CTSW: variants seen among roughly 807,000 people sequenced by gnomAD.
CTSW encodes lymphopain.
CTSW carries 42 observed loss-of-function variants against 43.8 expected under a neutral mutation model. The observed-to-expected ratio is 0.96, with a 90% CI of 0.75 to 1.24. The LOEUF is 1.24. Among genes scored for constraint, CTSW ranks in the 50% most tolerant of loss-of-function variants. The pLI, the probability that CTSW is intolerant of heterozygous loss-of-function variation, is 0.00. For synonymous variants in CTSW, 191 were observed against 184.8 expected (o/e 1.03, Z -0.27); for missense variants, 475 against 479.9 (o/e 0.99, Z 0.09).
intron 9 of CTSW, 27 bp downstream of exon 9, chr11:65,883,451 G>A (rs1565279211): frequency 6.2e-7 from 1 of 1,613,624 alleles, no homozygotes; most frequent in Non-Finnish European, 8.5e-7. Flanking sequence ...GGGGGAGGGG[G>A]CAAGGCAGAA....
rs142888395 is a variant in CTSW at position 65,883,585 on chromosome 11, G to A, written c.1098G>A (p.Pro366=). 279 of 1,613,990 alleles carry A rather than the reference G, an allele frequency of 1.7e-4. 2 individuals carry two copies. The South Asian group carries it at 2.1e-3, about 12-fold the overall frequency. ...KFPLTARVQK[P]DMKPRVSCPP is the part of the protein sequence containing the mutation. ...CGCTCACTGCCCGTGTGCAGAAACC[G>A]GATATGAAGCCCCGAGTCTCCTGCC... The change falls in exon 10 of 10, where the codon CCG becomes CCA. Residue 366 remains proline, a synonymous_variant. Coordinates refer to ENST00000307886, the MANE Select transcript of CTSW (RefSeq NM_001335.4).
intron 3 of CTSW, 137 bp from the exon 4 acceptor site, chr11:65,882,038 G>C: frequency 1.0e-6 from 1 of 999,692 alleles, no homozygotes; most frequent in Non-Finnish European, 1.5e-6. Context: ...TGGGATTATA[G>C]GTGTGAGCCA....
rs1175779883 is a variant in CTSW at position 65,883,419 on chromosome 11, GAGA to G, written c.1018_1020del (p.Lys340del). ...GAACTCCTGGGGGGCCCAATGGGGA[GAGA>G]AGGTGAGTGTGATCTATTGGGGGAG... is the stretch of plus-strand genomic sequence containing the variant. On this transcript the variant is annotated inframe_deletion and splice_region_variant, in exon 9 of 10. Coordinates refer to ENST00000307886, the MANE Select transcript of CTSW (RefSeq NM_001335.4). 5.0e-6 allele frequency: 8 copies of G among 1,614,102 alleles called. No homozygotes were observed. Among genetic ancestry groups the G allele is most frequent in the East Asian group, 4.5e-5 (2 of 44,884 alleles).
intron 7 of CTSW, 45 bp downstream of exon 7, chr11:65,882,949 C>T (rs755077391): frequency 2.6e-5 from 42 of 1,611,892 alleles, no homozygotes; most frequent in Middle Eastern, 1.7e-4. Flanking sequence ...GGACAGACAC[C>T]GGGGCAGAGG....
chr11:65,879,981 C>A, intron 1 of CTSW, 40 bp downstream of exon 1: 1 of 1,535,018 alleles, frequency 6.5e-7, no homozygotes, highest in Non-Finnish European at 8.9e-7. Flanking sequence ...AGTCCCACGC[C>A]TGGGGTCACC....
intron 2 of CTSW, among the ~76,000 whole-genome samples, chr11:65,880,775 G>A (rs1168935820): frequency 1.3e-5 from 2 of 152,186 alleles, no homozygotes; most frequent in Non-Finnish European, 2.9e-5. Flanking sequence ...TGGATCTGGA[G>A]GGCAGTGGCA....
Position 65,883,704 on chromosome 11 carries a change from T to C in CTSW, c.*86T>C. The C allele has an allele frequency of 8.2e-6, 10 of 1,218,080 alleles. No individual in the cohort carries two copies. The highest frequency in any genetic ancestry group is 1.2e-5 in the Non-Finnish European group (10 of 838,430). The allele number at this position is 1,218,080 out of a possible 1,614,324, so 75.5% of individuals were successfully genotyped here. ...CCCAGGTTTTTGCCCATCCTCCCAA[T>C]CTCAATACAGCCTGAATAAACCAAG... On this transcript the variant is annotated 3_prime_UTR_variant, in exon 10 of 10. Coordinates refer to ENST00000307886, the MANE Select transcript of CTSW (RefSeq NM_001335.4).
In CTSW at chr11:65,881,463, CAGG is replaced by C. The variant is rs763974974; in HGVS notation, c.237_239del (p.Glu79del). The C allele has an allele frequency of 8.6e-5, 139 of 1,611,680 alleles. No individual in the cohort carries two copies. Among genetic ancestry groups the C allele is most frequent in the Middle Eastern group, 1.7e-4 (1 of 6,058 alleles). On this transcript the variant is annotated inframe_deletion, in exon 3 of 10. Transcript: ENST00000307886. ...CAACCTGGCCCAGGCTCAGAGGCTG[CAGG>C]AGGAGGACTTGGGCACAGCTGAGTT...
rs759222279 is a variant in CTSW, at chr11:65,882,493, A to G, written c.505A>G (p.Ser169Gly). ...AGNIETLWRI[S>G]FWDFVDVSVQ... ...CAACATAGAGACCCTGTGGCGCATC[A>G]GTTTCTGGGATTTTGTGGATGTCTC... Residue 169 changes from serine (S) to glycine (G), a missense_variant, in exon 5 of 10, where the codon AGT becomes GGT. By Grantham distance (56) the Ser-to-Gly change is moderately conservative. Coordinates refer to ENST00000307886, the MANE Select transcript of CTSW (RefSeq NM_001335.4). 6.2e-7 allele frequency: 1 copy of G among 1,614,138 alleles called. No homozygotes were observed. Among genetic ancestry groups the G allele is most frequent in the Admixed American group, 1.7e-5 (1 of 60,030 alleles).
intron 3 of CTSW, among the ~76,000 whole-genome samples, 155 bp from the exon 4 acceptor site, chr11:65,882,020 C>G (rs1860112643): frequency 6.6e-6 from 1 of 152,214 alleles, no homozygotes; most frequent in South Asian, 2.1e-4. Flanking sequence ...CTTGGCCTCC[C>G]AAAGTGCTGG....
rs931847383 is a variant in CTSW, at chr11:65,881,325, G to A, written c.173-82G>A. 9 of 886,974 alleles carry A rather than the reference G, an allele frequency of 1.0e-5. No individual in the cohort carries two copies. In the African/African-American group the frequency reaches 1.5e-4, roughly 15 times the overall value. 54.9% of individuals were successfully genotyped at this position (886,974 alleles called of 1,614,324 possible). A position where few individuals can be genotyped will look rare whatever the true frequency, so the allele number is the denominator to read the frequency against. On this transcript the variant is annotated intron_variant, in intron 2 of 9. Coordinates refer to ENST00000307886, the MANE Select transcript of CTSW (RefSeq NM_001335.4). ...GCCAGTGCTCAACTGGGTGGGTGTG[G>A]GTGGAAGGGTGCCCAGCCAGCGGCT...
At chr11:65,880,007 G>A in intron 1 of CTSW, 66 bp downstream of exon 1, 1 of 1,419,164 alleles carries the variant, frequency 7.0e-7, no homozygotes, top group Non-Finnish European at 9.8e-7. Flanking sequence ...AGAAACAGCT[G>A]GCCTGTCATT....
At chr11:65,880,171 C>A (rs758930553) in intron 1 of CTSW, 31 bp from the exon 2 acceptor site, 10 of 1,589,144 alleles carry the variant, frequency 6.3e-6, no homozygotes, top group Non-Finnish European at 8.6e-6. Context: ...CCTCTGCCCA[C>A]TGCCCCTCTC....
At position 65,881,408 on chromosome 11, in the gene CTSW, G is replaced by A. The variant is rs1266165315; in HGVS notation, c.174G>A (p.Glu58=). 2.5e-6 allele frequency: 4 copies of A among 1,592,762 alleles called. No homozygotes were observed. In the African/African-American group the frequency reaches 4.0e-5, roughly 16 times the overall value. ...TAGGACAACTCCCTTTTGGTCCAGA[G>A]CATGCTCACCGCCTGGACATCTTTG... ...QFNRSYLSPE[E]HAHRLDIFAH... Residue 58 remains glutamate, a splice_region_variant and synonymous_variant, in exon 3 of 10, where the codon GAG becomes GAA. Coordinates refer to ENST00000307886, the MANE Select transcript of CTSW (RefSeq NM_001335.4).
chr11:65,882,228 A>G lies in CTSW; in HGVS notation c.340A>G (p.Ser114Gly), dbSNP rs150579466. ...GYRRAAGGVP[S>G]MGREIRSEEP... is the part of the protein sequence containing the mutation. The stretch of plus-strand genomic sequence containing the variant: ...TCGGAGGGCAGCTGGAGGGGTCCCC[A>G]GCATGGGCAGAGAAATAAGGTCTGA... The change falls in exon 4 of 10, where the codon AGC becomes GGC. Residue 114 changes from serine (S) to glycine (G), a missense_variant. Transcript: ENST00000307886. 198 of 1,614,186 alleles carry G rather than the reference A, an allele frequency of 1.2e-4. No individual in the cohort carries two copies. The African/African-American group carries it at 2.3e-3, about 19-fold the overall frequency.
In CTSW at chr11:65,882,156, G is replaced by A. The variant is rs781168129; in HGVS notation, c.287-19G>A. On this transcript the variant is annotated intron_variant, in intron 3 of 9. Coordinates refer to ENST00000307886, the MANE Select transcript of CTSW (RefSeq NM_001335.4). Reference sequence around the variant, plus strand: ...AAGGGGTCAAAATGGAGACCTCAGTGGCCCTGTCTGTTCCCCAGAGGAGGA... The same window carrying A: ...AAGGGGTCAAAATGGAGACCTCAGTAGCCCTGTCTGTTCCCCAGAGGAGGA... The A allele has an allele frequency of 6.2e-7, 1 of 1,613,370 alleles. No homozygotes were observed. The highest frequency in any genetic ancestry group is 1.1e-5 in the South Asian group (1 of 91,042).
chr11:65,881,231 G>A (rs577326712), intron 2 of CTSW, among the ~76,000 whole-genome samples, 176 bp from the exon 3 acceptor site: 1 of 152,270 alleles, frequency 6.6e-6, no homozygotes, highest in East Asian at 1.9e-4. Context: ...CCAACCCTCG[G>A]TGGGCTGGGT....
At chr11:65,882,950 G>T in intron 7 of CTSW, 46 bp downstream of exon 7, 1 of 1,612,590 alleles carries the variant, frequency 6.2e-7, no homozygotes, top group African/African-American at 1.3e-5. Context: ...GACAGACACC[G>T]GGGCAGAGGC....
Position 65,883,444 on chromosome 11 carries a change from G to C in CTSW, c.1020+20G>C. On this transcript the variant is annotated intron_variant, in intron 9 of 9. Coordinates refer to ENST00000307886, the MANE Select transcript of CTSW (RefSeq NM_001335.4). ...GAGAAGGTGAGTGTGATCTATTGGG[G>C]GAGGGGGCAAGGCAGAACAGGCCTC... 1 of 1,613,894 alleles carries C rather than the reference G, an allele frequency of 6.2e-7. No individual in the cohort carries two copies. The highest frequency in any genetic ancestry group is 1.1e-5 in the South Asian group (1 of 91,082).
Sources: gnomAD v4.1 joint callset for allele counts (sites outside exome capture counted in the v4.1 genomes callset) on GRCh38, gnomAD v4.1.1 for gene constraint, MANE v1.5 for transcripts, NCBI Gene and HGNC (gene_info 2026-07-23, HGNC 2026-07-21) for gene names.